MAN2A1: variants seen among roughly 807,000 people sequenced by gnomAD.
MAN2A1 encodes mannosidase alpha class 2A member 1.
MAN2A1 carries 76 observed loss-of-function variants against 142.6 expected under a neutral mutation model. The ratio of observed to expected loss-of-function variants is 0.53; its 90% CI spans 0.44 to 0.65. The LOEUF (loss-of-function observed/expected upper bound fraction) is 0.65, where lower values mean the gene tolerates loss of function less well. Among genes scored for constraint, MAN2A1 ranks in the 30% least tolerant of loss-of-function variants. MAN2A1 has a pLI of 0.00. For synonymous variants in MAN2A1, 559 were observed against 473.2 expected, an observed-to-expected ratio of 1.18 and a Z score of -2.35; for missense variants, 1,311 against 1,365.1, an observed-to-expected ratio of 0.96 and a Z score of 0.62.
At chr5:109,761,727 C>T (rs920713214) in intron 5 of MAN2A1, among the ~76,000 whole-genome samples, 4 of 151,894 alleles carry the variant, frequency 2.6e-5, no homozygotes, top group African/African-American at 9.7e-5. Context: ...TATTACGTGA[C>T]AGCTTATGTA....
intron 14 of MAN2A1, 51 bp from the exon 15 acceptor site, chr5:109,820,169 G>A: frequency 6.7e-7 from 1 of 1,481,912 alleles, no homozygotes; most frequent in Non-Finnish European, 9.3e-7. Context: ...GATGCAACAT[G>A]CTTAACATCT....
intron 12 of MAN2A1, among the ~76,000 whole-genome samples, chr5:109,803,064 A>C (rs1754072848): frequency 6.6e-6 from 1 of 152,074 alleles, no homozygotes; most frequent in Admixed American, 6.6e-5. Context: ...GATTTGCCTT[A>C]GTGCTTTAAC....
intron 13 of MAN2A1, 149 bp downstream of exon 13, chr5:109,817,587 G>T: frequency 7.4e-6 from 5 of 676,556 alleles, no homozygotes; most frequent in East Asian, 2.8e-5. Flanking sequence ...TTAACTGGTG[G>T]GTCAAATGAC....
At chr5:109,768,157 C>G (rs1452245246) in intron 6 of MAN2A1, among the ~76,000 whole-genome samples, 1 of 152,160 alleles carries the variant, frequency 6.6e-6, no homozygotes, top group African/African-American at 2.4e-5. Flanking sequence ...GCCCTAATGT[C>G]AAAATACCAC....
intron 12 of MAN2A1, among the ~76,000 whole-genome samples, chr5:109,810,459 A>G (rs1257925593): frequency 6.6e-6 from 1 of 152,166 alleles, no homozygotes; most frequent in Non-Finnish European, 1.5e-5. Context: ...GGGTTCTGGA[A>G]TGTCATGAGA....
chr5:109,790,942 A>G (rs949283658), intron 12 of MAN2A1, among the ~76,000 whole-genome samples: 27 of 152,096 alleles, frequency 1.8e-4, no homozygotes, highest in Non-Finnish European at 7.4e-5. Flanking sequence ...TCTTTGCCTT[A>G]GCAAACAATA....
chr5:109,749,422 A>G (rs959135194), intron 4 of MAN2A1, among the ~76,000 whole-genome samples: 2 of 152,164 alleles, frequency 1.3e-5, no homozygotes, highest in African/African-American at 4.8e-5. Context: ...CAAATTTCTC[A>G]TCATTGAAAT....
intron 1 of MAN2A1, among the ~76,000 whole-genome samples, chr5:109,702,461 C>G (rs1296394501): frequency 6.6e-6 from 1 of 151,952 alleles, no homozygotes; most frequent in East Asian, 1.9e-4. Flanking sequence ...GAAAGTTGTT[C>G]TGAAAGTCAG....
At chr5:109,753,806 G>T (rs951742955) in intron 4 of MAN2A1, among the ~76,000 whole-genome samples, 1 of 152,064 alleles carries the variant, frequency 6.6e-6, no homozygotes, top group Non-Finnish European at 1.5e-5. Context: ...AAGCTGCTTT[G>T]CTTCTTTCTG....
intron 18 of MAN2A1, among the ~76,000 whole-genome samples, chr5:109,846,520 G>T (rs771988692): frequency 1.3e-5 from 2 of 152,146 alleles, no homozygotes; most frequent in Non-Finnish European, 2.9e-5. Flanking sequence ...AAAGTGATGC[G>T]CAGAAAGTGA....
chr5:109,741,737 T>C (rs1752273289), intron 4 of MAN2A1, among the ~76,000 whole-genome samples: 1 of 152,220 alleles, frequency 6.6e-6, no homozygotes, highest in South Asian at 2.1e-4. Flanking sequence ...AGCAGCATTA[T>C]TATTCAACTC....
intron 3 of MAN2A1, among the ~76,000 whole-genome samples, chr5:109,718,291 TC>T (rs1751510571): frequency 6.6e-6 from 1 of 152,248 alleles, no homozygotes; most frequent in African/African-American, 2.4e-5. Flanking sequence ...TTTATTCTTT[TC>T]CTTTTTCTGC....
chr5:109,774,137 C>G (rs1411834504), intron 7 of MAN2A1, among the ~76,000 whole-genome samples: 2 of 152,144 alleles, frequency 1.3e-5, no homozygotes, highest in Non-Finnish European at 2.9e-5. Context: ...TAATTCAACT[C>G]CTAATCCTTA....
At chr5:109,829,313 A>G (rs1754842999) in intron 16 of MAN2A1, among the ~76,000 whole-genome samples, 1 of 152,228 alleles carries the variant, frequency 6.6e-6, no homozygotes, top group Non-Finnish European at 1.5e-5. Context: ...AACTGTCACA[A>G]AATTGCCCTT....
intron 18 of MAN2A1, among the ~76,000 whole-genome samples, chr5:109,846,885 T>C (rs4957580): frequency 0.69 from 105,495 of 151,974 alleles, 37,646 homozygotes; most frequent in East Asian, 0.91. Flanking sequence ...GTAGTAATGG[T>C]TCCACATCAG....
At chr5:109,730,287 C>T (rs1300363417) in intron 4 of MAN2A1, among the ~76,000 whole-genome samples, 2 of 151,970 alleles carry the variant, frequency 1.3e-5, no homozygotes, top group African/African-American at 4.8e-5. Flanking sequence ...GTTTTTGTGA[C>T]TTGCTTATTG....
At chr5:109,834,344 C>G (rs1310239888) in intron 16 of MAN2A1, among the ~76,000 whole-genome samples, 1 of 151,964 alleles carries the variant, frequency 6.6e-6, no homozygotes, top group East Asian at 1.9e-4. Context: ...TTTATTTTAT[C>G]TATTTTGAGG....
intron 13 of MAN2A1, among the ~76,000 whole-genome samples, chr5:109,819,043 G>C (rs1044719609): frequency 3.3e-5 from 5 of 152,120 alleles, no homozygotes; most frequent in Non-Finnish European, 7.4e-5. Context: ...TTTTATAATA[G>C]CGTGAAAGTA....
rs561821472 is a variant in MAN2A1 at position 109,817,031 on chromosome 5, G to C, written c.1944-242G>C. Among the ~76,000 whole-genome samples the C allele has an allele frequency of 3.3e-5, 5 of 152,236 alleles. No individual in the cohort carries two copies. The East Asian group carries it at 9.7e-4, about 29-fold the overall frequency. ...AAAAATTAGCCAGATGTAGTAGCAT[G>C]CACTACACCTGCTACTCCCAGCTAC... is the stretch of plus-strand genomic sequence containing the variant. On this transcript the variant is annotated intron_variant, in intron 12 of 21. Transcript: ENST00000261483.
Sources: gnomAD v4.1 joint callset for allele counts (sites outside exome capture counted in the v4.1 genomes callset) on GRCh38, gnomAD v4.1.1 for gene constraint, MANE v1.5 for transcripts, NCBI Gene and HGNC (gene_info 2026-07-23, HGNC 2026-07-21) for gene names.